ELAPOR2: variants seen among roughly 807,000 people sequenced by gnomAD.
ELAPOR2 encodes endosome-lysosome associated apoptosis and autophagy regulator family member 2, also known as endosome/lysosome-associated apoptosis and autophagy regulator family member 2.
Under a neutral mutation model 120.7 loss-of-function variants are expected in ELAPOR2, and 89 were observed. That is an observed-to-expected ratio of 0.74 (90% CI 0.62 to 0.88). The LOEUF (loss-of-function observed/expected upper bound fraction) is 0.88. ELAPOR2 is among the 40% of genes least tolerant of loss of function. The pLI is 0.00. For missense variants in ELAPOR2, 1,134 were observed against 1,251.6 expected, an observed-to-expected ratio of 0.91 and a Z score of 1.42; for synonymous variants, 444 against 444.9, an observed-to-expected ratio of 1.00 and a Z score of 0.03.
chr7:87,019,288 T>A (rs34799147), intron 1 of ELAPOR2, among the ~76,000 whole-genome samples: 17,154 of 152,120 alleles, frequency 0.11, 1,075 homozygotes, highest in African/African-American at 0.16. Context: ...CTTGCCCTCC[T>A]GAGTAGCTGG....
Position 86,938,110 on chromosome 7 carries a change from G to T in ELAPOR2, c.1089+16C>A. 6.5e-7 allele frequency: 1 copy of T among 1,538,924 alleles called. No individual in the cohort carries two copies. Among genetic ancestry groups the T allele is most frequent in the East Asian group, 2.4e-5 (1 of 40,824 alleles). On this transcript the variant is annotated intron_variant, in intron 8 of 21. Transcript: ENST00000450689. ...TGCAAAAATATGGGATGGAGTTGATGCAACACTGCTGGTACCTTTCCTTCT... is the reference window on the plus strand; with the variant it reads ...TGCAAAAATATGGGATGGAGTTGATTCAACACTGCTGGTACCTTTCCTTCT...
intron 8 of ELAPOR2, among the ~76,000 whole-genome samples, chr7:86,934,795 C>A (rs78198850): frequency 3.3e-5 from 5 of 151,918 alleles, no homozygotes; most frequent in Admixed American, 1.3e-4. Flanking sequence ...CTCCTCTTGC[C>A]CCATCTCACA....
chr7:87,048,549 T>A (rs950624222), intron 1 of ELAPOR2, among the ~76,000 whole-genome samples: 2 of 152,240 alleles, frequency 1.3e-5, no homozygotes, highest in Non-Finnish European at 2.9e-5. Context: ...AAAAAATAAA[T>A]AAGTCCTATT....
At chr7:86,905,820 A>G (rs1562910827) in intron 18 of ELAPOR2, among the ~76,000 whole-genome samples, 1 of 152,194 alleles carries the variant, frequency 6.6e-6, no homozygotes, top group East Asian at 1.9e-4. Flanking sequence ...GCTGCAGGTC[A>G]TCTTGATAAA....
intron 8 of ELAPOR2, among the ~76,000 whole-genome samples, chr7:86,927,632 A>C (rs1790134536): frequency 6.6e-6 from 1 of 151,908 alleles, no homozygotes; most frequent in South Asian, 2.1e-4. Flanking sequence ...ATATAAGAAA[A>C]CAGCTGTAAC....
intron 4 of ELAPOR2, 66 bp from the exon 5 acceptor site, chr7:86,942,170 C>A: frequency 2.3e-6 from 2 of 878,676 alleles, no homozygotes; most frequent in South Asian, 1.5e-5. Flanking sequence ...AATTCTGTAC[C>A]CAGCACAGAC....
In ELAPOR2 at chr7:86,926,660, A is replaced by C. The variant is rs946145824; in HGVS notation, c.1270+76T>G. 2.2e-6 allele frequency: 3 copies of C among 1,363,366 alleles called. No homozygotes were observed. The African/African-American group carries it at 4.4e-5, about 20-fold the overall frequency. 84.5% of individuals were successfully genotyped at this position (1,363,366 alleles called of 1,614,324 possible). ...TCTGTAACCACTTTCCATAAAAACA[A>C]TTTAGAAAATGGTCACAGTAGTCCA... On this transcript the variant is annotated intron_variant, in intron 9 of 21. Transcript: ENST00000450689.
intron 1 of ELAPOR2, among the ~76,000 whole-genome samples, chr7:86,969,800 G>A (rs77018783): frequency 0.039 from 5,898 of 152,242 alleles, 390 homozygotes; most frequent in African/African-American, 0.13. Context: ...AGTATGTGCG[G>A]AAGAGTATAC....
chr7:87,033,261 G>A (rs533869655), intron 1 of ELAPOR2, among the ~76,000 whole-genome samples: 17 of 152,320 alleles, frequency 1.1e-4, no homozygotes, highest in African/African-American at 3.6e-4. Flanking sequence ...TCTGAAAGCA[G>A]AGGCATGGAC....
intron 3 of ELAPOR2, 89 bp from the exon 4 acceptor site, chr7:86,945,135 T>A: frequency 8.1e-7 from 1 of 1,230,536 alleles, no homozygotes; most frequent in South Asian, 1.4e-5. Flanking sequence ...TCACGAGTAG[T>A]TCCATCAGCA....
At chr7:86,923,957 C>T (rs1789942659) in intron 10 of ELAPOR2, among the ~76,000 whole-genome samples, 2 of 152,022 alleles carry the variant, frequency 1.3e-5, no homozygotes, top group Non-Finnish European at 1.5e-5. Context: ...TCTCAAAGCA[C>T]TCCAAATCAT....
At chr7:86,896,786 T>C (rs1007026215) in intron 19 of ELAPOR2, among the ~76,000 whole-genome samples, 1 of 152,236 alleles carries the variant, frequency 6.6e-6, no homozygotes. Context: ...AAAGTGAAAA[T>C]TGATATGATC....
At chr7:87,021,549 C>T (rs183833740) in intron 1 of ELAPOR2, among the ~76,000 whole-genome samples, 1 of 152,206 alleles carries the variant, frequency 6.6e-6, no homozygotes, top group African/African-American at 2.4e-5. Context: ...TGAATAACAA[C>T]CTTCTACGTA....
In ELAPOR2 at chr7:86,944,898, C is replaced by A; in HGVS notation, c.654+1G>T. The A allele has an allele frequency of 6.5e-7, 1 of 1,536,660 alleles. No homozygotes were observed. The highest frequency in any genetic ancestry group is 8.7e-7 in the Non-Finnish European group (1 of 1,143,200). ...AAATTCCAGAATACAAAAGGTCTTACAAAGAACTCAAAGAAGATGTTGTTG... is the reference window on the plus strand; with the variant it reads ...AAATTCCAGAATACAAAAGGTCTTAAAAAGAACTCAAAGAAGATGTTGTTG... On this transcript the variant is annotated splice_donor_variant, in intron 4 of 21. Transcript: ENST00000450689. LOFTEE classifies it high-confidence loss of function.
At chr7:86,955,533 G>A (rs985718446) in intron 2 of ELAPOR2, among the ~76,000 whole-genome samples, 16 of 152,070 alleles carry the variant, frequency 1.1e-4, no homozygotes, top group African/African-American at 3.9e-4. Flanking sequence ...AATACTAATA[G>A]TGGCAGACAT....
chr7:86,935,146 AC>A (rs950174425), intron 8 of ELAPOR2, among the ~76,000 whole-genome samples: 21 of 152,066 alleles, frequency 1.4e-4, no homozygotes, highest in African/African-American at 5.1e-4. Context: ...TCACTCTGAT[AC>A]CAAAAAACTT....
intron 18 of ELAPOR2, among the ~76,000 whole-genome samples, chr7:86,898,449 A>G (rs1322378536): frequency 1.3e-5 from 2 of 151,768 alleles, no homozygotes; most frequent in Non-Finnish European, 1.5e-5. Context: ...ACATCCCTGA[A>G]TACTCTAAAC....
intron 3 of ELAPOR2, among the ~76,000 whole-genome samples, chr7:86,947,289 G>A (rs1791048550): frequency 6.6e-6 from 1 of 152,194 alleles, no homozygotes; most frequent in Non-Finnish European, 1.5e-5. Flanking sequence ...AAAGAGGTAG[G>A]AATTAAGCAA....
chr7:87,056,901 G>C (rs1366292250), intron 1 of ELAPOR2, among the ~76,000 whole-genome samples: 1 of 152,092 alleles, frequency 6.6e-6, no homozygotes, highest in Non-Finnish European at 1.5e-5. Flanking sequence ...CAAACTACTG[G>C]GGGGAAATGA....
Sources: gnomAD v4.1 joint callset for allele counts (sites outside exome capture counted in the v4.1 genomes callset) on GRCh38, gnomAD v4.1.1 for gene constraint, MANE v1.5 for transcripts, NCBI Gene and HGNC (gene_info 2026-07-23, HGNC 2026-07-21) for gene names.